The following IL12RB1 variants were observed in gnomAD, a reference collection of about 807,000 sequenced individuals.
IL12RB1 encodes interleukin-12 receptor subunit beta-1.
Under a neutral mutation model 94.4 loss-of-function variants are expected in IL12RB1, and 64 were observed. The ratio of observed to expected loss-of-function variants is 0.68; its 90% CI spans 0.55 to 0.83. The LOEUF is 0.83. IL12RB1 is among the 40% of genes least tolerant of loss of function. IL12RB1 has a pLI of 0.00. For synonymous variants in IL12RB1, 362 were observed against 355.5 expected (o/e 1.02, Z -0.21); for missense variants, 814 against 855.6 (o/e 0.95, Z 0.61).
intron 1 of IL12RB1, among the ~76,000 whole-genome samples, chr19:18,095,597 G>A (rs776258080): frequency 6.6e-6 from 1 of 152,190 alleles, no homozygotes; most frequent in Non-Finnish European, 1.5e-5. Flanking sequence ...GAATCAGATC[G>A]TGGTGATGGT....
chr19:18,083,743 CCCATCCAT>C lies in IL12RB1; in HGVS notation c.65-260_65-253del, dbSNP rs146292111. On this transcript the variant is annotated intron_variant, in intron 1 of 16. Transcript: ENST00000593993. ...ATCCACCCATGAATTCATCCATTCA[CCCATCCAT>C]CCATCCATCCATCCATCCATCCATC... 9.7e-3 allele frequency among the ~76,000 whole-genome samples: 1,435 copies of C among 148,080 alleles called. 19 individuals are homozygous for C. Among genetic ancestry groups the C allele is most frequent in the South Asian group, 0.018 (86 of 4,696 alleles).
chr19:18,079,713 C>T (rs538796282), intron 4 of IL12RB1, among the ~76,000 whole-genome samples: 3 of 151,210 alleles, frequency 2.0e-5, no homozygotes, highest in Admixed American at 6.6e-5. Context: ...ATCGAGACCA[C>T]GGTGAAACCC....
chr19:18,082,803 A>T (rs439409), intron 2 of IL12RB1, among the ~76,000 whole-genome samples: 1 of 151,984 alleles, frequency 6.6e-6, no homozygotes, highest in Non-Finnish European at 1.5e-5. Flanking sequence ...ATGGCCGGGC[A>T]CGGTGGCTCA....
At position 18,080,872 on chromosome 19, in the gene IL12RB1, T is replaced by C. The variant is rs773677571; in HGVS notation, c.369A>G (p.Thr123=). The change falls in exon 4 of 17, where the codon ACA becomes ACG. Residue 123 remains threonine, a synonymous_variant. Coordinates refer to ENST00000593993, the MANE Select transcript of IL12RB1 (RefSeq NM_005535.3). ...GCAGGGTCACCTCAGGAGACTTCTC[T>C]GTCTGGTTCCTGGCCCAGGATTCCA... ...LWVESWARNQ[T]EKSPEVTLQL... is the part of the protein sequence containing the mutation. The C allele has an allele frequency of 1.9e-6, 3 of 1,612,194 alleles. No individual in the cohort carries two copies. In the East Asian group the frequency reaches 6.7e-5, roughly 36 times the overall value.
upstream of IL12RB1, among the ~76,000 whole-genome samples, chr19:18,091,162 T>C (rs1195699627): frequency 6.6e-6 from 1 of 152,160 alleles, no homozygotes; most frequent in African/African-American, 2.4e-5. Context: ...TCTCCCCTTA[T>C]TGAAGTCACA....
rs760657739 is a variant in IL12RB1, at chr19:18,063,943, C to A, written c.1551G>T (p.Thr517=). 7 of 1,612,990 alleles carry A rather than the reference C, an allele frequency of 4.3e-6. No homozygotes were observed. Among genetic ancestry groups the A allele is most frequent in the Non-Finnish European group, 5.9e-6 (7 of 1,179,338 alleles). The change falls in exon 13 of 17, where the codon ACG becomes ACT. Residue 517 remains threonine, a synonymous_variant. Coordinates refer to ENST00000593993, the MANE Select transcript of IL12RB1 (RefSeq NM_005535.3). ...LSGLRAGVAY[T]VQVRADTAWL... ...ACGCTGTGTCTGCTCGCACCTGCAC[C>A]GTGTAGGCTACACCAGCCCGCAGGC...
chr19:18,097,757 G>T, intron 1 of IL12RB1: 1 of 1,198,504 alleles, frequency 8.3e-7, no homozygotes, highest in Non-Finnish European at 1.0e-6. Flanking sequence ...CCGGGGCGGG[G>T]CCGGGGGCGG....
intron 10 of IL12RB1, among the ~76,000 whole-genome samples, chr19:18,068,906 T>C (rs1349156543): frequency 6.6e-6 from 1 of 152,000 alleles, no homozygotes; most frequent in Non-Finnish European, 1.5e-5. Context: ...CACACCATCA[T>C]GCCTGGCTAA....
At chr19:18,094,681 T>C (rs535628654) in intron 1 of IL12RB1, among the ~76,000 whole-genome samples, 32 of 152,238 alleles carry the variant, frequency 2.1e-4, no homozygotes, top group African/African-American at 7.2e-4. Context: ...CTGGGTAACA[T>C]GGCGAAACCT....
At chr19:18,086,958 A>T (rs1381253443), upstream of IL12RB1, 9 of 1,539,736 alleles carry the variant, frequency 5.8e-6, no homozygotes, top group Admixed American at 2.0e-5. Flanking sequence ...AAAGAAAAAA[A>T]GTAAAGTGTC....
At chr19:18,085,470 T>G (rs1175587507) in intron 1 of IL12RB1, among the ~76,000 whole-genome samples, 2 of 151,934 alleles carry the variant, frequency 1.3e-5, no homozygotes, top group Non-Finnish European at 2.9e-5. Flanking sequence ...TCTCCAGCCA[T>G]GCCTGGCCCC....
chr19:18,061,185 G>C lies in IL12RB1; in HGVS notation c.1728C>G (p.His576Gln), dbSNP rs1296624087. ...GYLGLNRAAR[H>Q]LCPPLPTPCA... ...AGGGTGTGGGCAGCGGCGGGCACAG[G>C]TGCCGTGCGGCCCTGGGGAGGAAAG... is the stretch of plus-strand genomic sequence containing the variant. Residue 576 changes from histidine (H) to glutamine (Q), a missense_variant, in exon 15 of 17, where the codon CAC (histidine) becomes CAG (glutamine). Coordinates refer to ENST00000593993, the MANE Select transcript of IL12RB1 (RefSeq NM_005535.3). 5 of 1,583,790 alleles carry C rather than the reference G, an allele frequency of 3.2e-6. No homozygotes were observed. Among genetic ancestry groups the C allele is most frequent in the Admixed American group, 1.8e-5 (1 of 56,146 alleles).
chr19:18,063,324 C>A (rs1020531320), intron 13 of IL12RB1, among the ~76,000 whole-genome samples: 1 of 151,834 alleles, frequency 6.6e-6, no homozygotes. Context: ...TCTTGAACTC[C>A]TCGGCTCAAG....
At chr19:18,087,351 A>G (rs2036414280), upstream of IL12RB1, among the ~76,000 whole-genome samples, 1 of 151,814 alleles carries the variant, frequency 6.6e-6, no homozygotes, top group African/African-American at 2.4e-5. Context: ...CTGGAATTAC[A>G]GGCAACTGCC....
chr19:18,085,767 C>T (rs2036285996), intron 1 of IL12RB1, among the ~76,000 whole-genome samples: 1 of 151,956 alleles, frequency 6.6e-6, no homozygotes, highest in Non-Finnish European at 1.5e-5. Flanking sequence ...CATCATCAAG[C>T]CTGGCTAATT....
chr19:18,059,675 C>A, intron 16 of IL12RB1, 62 bp from the exon 17 acceptor site: 1 of 778,912 alleles, frequency 1.3e-6, no homozygotes, highest in South Asian at 1.3e-5. Flanking sequence ...GGTAGGGAAT[C>A]ATGTGAGTGG....
chr19:18,097,775 G>A, intron 1 of IL12RB1: 1 of 1,213,194 alleles, frequency 8.2e-7, no homozygotes, highest in East Asian at 3.3e-5. Flanking sequence ...CGGGCCTGGC[G>A]GCGCGGACTC....
chr19:18,073,270 C>T (rs1203154407), intron 8 of IL12RB1, among the ~76,000 whole-genome samples: 2 of 152,132 alleles, frequency 1.3e-5, no homozygotes, highest in African/African-American at 4.8e-5. Flanking sequence ...AATTCCCCCA[C>T]ACTCTGTTTC....
intron 7 of IL12RB1, among the ~76,000 whole-genome samples, chr19:18,074,555 C>T (rs896956265): frequency 4.6e-5 from 7 of 152,036 alleles, no homozygotes; most frequent in Non-Finnish European, 8.8e-5. Context: ...CGAGACCAGC[C>T]GGGCAAACAT....
Sources: gnomAD v4.1 joint callset for allele counts (sites outside exome capture counted in the v4.1 genomes callset) on GRCh38, gnomAD v4.1.1 for gene constraint, MANE v1.5 for transcripts, NCBI Gene and HGNC (gene_info 2026-07-23, HGNC 2026-07-21) for gene names.